The following HABP2 variants were observed in gnomAD, a reference collection of about 807,000 sequenced individuals.
HABP2 encodes the protein factor VII-activating protease.
HABP2 carries 65 observed loss-of-function variants against 66.5 expected under a neutral mutation model. The observed-to-expected ratio is 0.98, with a 90% CI of 0.80 to 1.20. The LOEUF (loss-of-function observed/expected upper bound fraction) is 1.20, where lower values mean the gene tolerates loss of function less well. Ranked by LOEUF, HABP2 falls within the 50% of genes most tolerant of loss-of-function variation. HABP2 has a pLI of 0.00. For synonymous variants in HABP2, 263 were observed against 253.9 expected, an observed-to-expected ratio of 1.04 and a Z score of -0.34; for missense variants, 786 against 691.0, an observed-to-expected ratio of 1.14 and a Z score of -1.54.
Position 113,588,838 on chromosome 10 carries a change from G to GAGTT in HABP2, c.*471_*474dup, listed in dbSNP as rs1303437493. On this transcript the variant is annotated 3_prime_UTR_variant, in exon 13 of 13. Transcript: ENST00000351270. Reference sequence around the variant, plus strand: ...ATACAACATTCTCCATCTGCTTTCAGAGTTATTATTTTAATAAAGGAAGAT... The same window carrying GAGTT: ...ATACAACATTCTCCATCTGCTTTCAGAGTTAGTTATTATTTTAATAAAGGAAGAT... The GAGTT allele has an allele frequency of 8.6e-6, 6 of 695,878 alleles. No individual in the cohort carries two copies. The highest frequency in any genetic ancestry group is 5.0e-5 in the East Asian group (2 of 40,184). 43.1% of individuals were successfully genotyped at this position (695,878 alleles called of 1,614,324 possible). A position where few individuals can be genotyped will look rare whatever the true frequency, so the allele number is the denominator to read the frequency against.
Position 113,574,352 on chromosome 10 carries a change from G to T in HABP2, c.170G>T (p.Ser57Ile). The change falls in exon 3 of 13, where the codon AGC becomes ATC. Residue 57 changes from serine (S) to isoleucine (I), a missense_variant. Physicochemically the swap from Ser to Ile is moderately radical, Grantham distance 142. Coordinates refer to ENST00000351270, the MANE Select transcript of HABP2 (RefSeq NM_004132.5). ...TATAATCAGGAAGAGAACACCAGTAGCACACTTACCCACGCTGAGAATCCT... is the reference window on the plus strand; with the variant it reads ...TATAATCAGGAAGAGAACACCAGTATCACACTTACCCACGCTGAGAATCCT... Reference protein sequence around the residue: ...EDYNQEENTSSTLTHAENPDW... With the variant: ...EDYNQEENTSITLTHAENPDW... 1 of 1,608,736 alleles carries T rather than the reference G, an allele frequency of 6.2e-7. No homozygotes were observed. Among genetic ancestry groups the T allele is most frequent in the Non-Finnish European group, 8.5e-7 (1 of 1,174,966 alleles).
At chr10:113,571,443 A>T (rs1226947168) in intron 2 of HABP2, among the ~76,000 whole-genome samples, 1 of 152,104 alleles carries the variant, frequency 6.6e-6, no homozygotes, top group Non-Finnish European at 1.5e-5. Context: ...AGAGAACAAG[A>T]CTTCTTAAGG....
chr10:113,581,258 G>A (rs181485188), intron 8 of HABP2, among the ~76,000 whole-genome samples: 67 of 152,158 alleles, frequency 4.4e-4, no homozygotes, highest in Non-Finnish European at 8.7e-4. Context: ...ACTATTCTTT[G>A]AGAACCAACT....
intron 1 of HABP2, among the ~76,000 whole-genome samples, chr10:113,560,626 A>C (rs1845083544): frequency 1.3e-5 from 2 of 152,242 alleles, no homozygotes; most frequent in East Asian, 3.8e-4. Context: ...ACCCATGTCC[A>C]TCAAGAGATG....
chr10:113,565,695 A>G (rs894604550), intron 1 of HABP2, among the ~76,000 whole-genome samples: 2 of 152,268 alleles, frequency 1.3e-5, no homozygotes, highest in African/African-American at 2.4e-5. Context: ...CCCAAACCAC[A>G]GCACTCAATG....
Position 113,589,407 on chromosome 10 carries a change from A to C in HABP2, c.*1038A>C. On this transcript the variant is annotated 3_prime_UTR_variant, in exon 13 of 13. Coordinates refer to ENST00000351270, the MANE Select transcript of HABP2 (RefSeq NM_004132.5). ...ACAGCCTGGGCTGCCCTGGCCCGGG[A>C]TTGATGTAGCCCCGGTAGGTTTGCC... 1.7e-6 allele frequency: 1 copy of C among 578,318 alleles called. No homozygotes were observed. Among genetic ancestry groups the C allele is most frequent in the South Asian group, 2.2e-5 (1 of 44,784 alleles). 35.8% of individuals were successfully genotyped at this position (578,318 alleles called of 1,614,324 possible).
At position 113,583,367 on chromosome 10, in the gene HABP2, C is replaced by G; in HGVS notation, c.1237+9C>G. ...TCCCCACAATGATATTGGCAAGTTC[C>G]TCTTTCATGGCTTTCCTGAGGGTCT... On this transcript the variant is annotated intron_variant, in intron 10 of 12. Transcript: ENST00000351270. 1.2e-6 allele frequency: 2 copies of G among 1,611,730 alleles called. No homozygotes were observed. The highest frequency in any genetic ancestry group is 1.1e-5 in the South Asian group (1 of 90,982).
chr10:113,584,047 G>A (rs368705609), intron 10 of HABP2, 101 bp from the exon 11 acceptor site: 3 of 943,538 alleles, frequency 3.2e-6, no homozygotes, highest in South Asian at 1.6e-5. Flanking sequence ...GTGGGGGCAG[G>A]TGGGGCTTTG....
intron 4 of HABP2, 98 bp downstream of exon 4, chr10:113,576,102 A>G: frequency 1.4e-6 from 1 of 740,094 alleles, no homozygotes; most frequent in Non-Finnish European, 2.4e-6. Context: ...GGAAAGGATT[A>G]TAACTGCAAT....
intron 1 of HABP2, among the ~76,000 whole-genome samples, chr10:113,558,824 G>C (rs907487845): frequency 6.6e-6 from 1 of 152,174 alleles, no homozygotes; most frequent in South Asian, 2.1e-4. Context: ...CCCACGCTCA[G>C]CTGTGCTTTG....
intron 2 of HABP2, among the ~76,000 whole-genome samples, chr10:113,568,448 C>A (rs1845240878): frequency 6.6e-6 from 1 of 152,212 alleles, no homozygotes; most frequent in African/African-American, 2.4e-5. Flanking sequence ...AGCAGCAAAC[C>A]CTGGATGGGC....
intron 12 of HABP2, 80 bp from the exon 13 acceptor site, chr10:113,588,125 G>C (rs1351543904): frequency 1.1e-5 from 13 of 1,234,528 alleles, no homozygotes; most frequent in Non-Finnish European, 1.5e-5. Flanking sequence ...ATCCCTCCCT[G>C]ACACCCCCTG....
chr10:113,560,756 A>G (rs1193965065), intron 1 of HABP2, among the ~76,000 whole-genome samples: 1 of 152,224 alleles, frequency 6.6e-6, no homozygotes, highest in Non-Finnish European at 1.5e-5. Context: ...CAGTGAAATA[A>G]AGGCAGTCCC....
intron 4 of HABP2, among the ~76,000 whole-genome samples, chr10:113,576,865 G>A (rs1201717762): frequency 1.3e-5 from 2 of 152,198 alleles, no homozygotes; most frequent in African/African-American, 4.8e-5. Context: ...AGAAAATGGA[G>A]AGACTAAAAT....
At chr10:113,585,163 T>C (rs1845610882) in intron 11 of HABP2, among the ~76,000 whole-genome samples, 1 of 152,194 alleles carries the variant, frequency 6.6e-6, no homozygotes, top group Non-Finnish European at 1.5e-5. Context: ...AGTAAACTCA[T>C]TTTACAGCCA....
In HABP2 at chr10:113,581,894, A is replaced by T; in HGVS notation, c.857A>T (p.Glu286Val). ...CSAQDVAYPE[E>V]SPTEPSTKLP... ...CCCACAGACGTTGCCTACCCAGAGG[A>T]AAGCCCCACTGAGCCATCAACCAAG... The change falls in exon 9 of 13, where the codon GAA becomes GTA. Residue 286 changes from glutamate (E) to valine (V), a missense_variant. By Grantham distance (121) the Glu-to-Val change is moderately radical. Coordinates refer to ENST00000351270, the MANE Select transcript of HABP2 (RefSeq NM_004132.5). 1 of 1,614,138 alleles carries T rather than the reference A, an allele frequency of 6.2e-7. No individual in the cohort carries two copies. The highest frequency in any genetic ancestry group is 8.5e-7 in the Non-Finnish European group (1 of 1,179,980).
At position 113,585,851 on chromosome 10, in the gene HABP2, C is replaced by T; in HGVS notation, c.1431C>T (p.Cys477=). ...AKVKLIANTL[C]NSRQLYDHMI... ...TCAAGCTGATTGCCAACACTTTGTG[C>T]AACTCCCGCCAACTCTATGACCACA... Residue 477 remains cysteine, a synonymous_variant, in exon 12 of 13, where the codon TGC becomes TGT. Coordinates refer to ENST00000351270, the MANE Select transcript of HABP2 (RefSeq NM_004132.5). 6.2e-7 allele frequency: 1 copy of T among 1,611,932 alleles called. No individual in the cohort carries two copies. The highest frequency in any genetic ancestry group is 8.5e-7 in the Non-Finnish European group (1 of 1,177,978).
At position 113,576,894 on chromosome 10, in the gene HABP2, A is replaced by G. The variant is rs186297572; in HGVS notation, c.332-256A>G. Among the ~76,000 whole-genome samples the G allele has an allele frequency of 5.3e-5, 8 of 152,328 alleles. No homozygotes were observed. The East Asian group carries it at 1.5e-3, about 29-fold the overall frequency. On this transcript the variant is annotated intron_variant, in intron 4 of 12. Transcript: ENST00000351270. ...CTAAAATTGCAGCTCTGTTTGGTGA[A>G]GGTGTAACAATTATCAAAGTTTTTT...
rs1564680097 is a variant in HABP2, at chr10:113,582,033, GT to G, written c.997del (p.Ser333ProfsTer5). The G allele has an allele frequency of 6.2e-7, 1 of 1,614,072 alleles. No homozygotes were observed. The highest frequency in any genetic ancestry group is 1.1e-5 in the South Asian group (1 of 91,088). On this transcript the variant is annotated frameshift_variant, in exon 9 of 13. Coordinates refer to ENST00000351270, the MANE Select transcript of HABP2 (RefSeq NM_004132.5). LOFTEE classifies it high-confidence loss of function. ...GKHPWQASLQ[S>X]SLPLTISMPQ... Reference sequence around the variant, plus strand: ...AGCACCCATGGCAGGCGTCCCTCCAGTCCTCGCTGCCTCTGACCATCTCCAT... The same window carrying G: ...AGCACCCATGGCAGGCGTCCCTCCAGCCTCGCTGCCTCTGACCATCTCCAT...
Sources: gnomAD v4.1 joint callset for allele counts (sites outside exome capture counted in the v4.1 genomes callset) on GRCh38, gnomAD v4.1.1 for gene constraint, MANE v1.5 for transcripts, NCBI Gene and HGNC (gene_info 2026-07-23, HGNC 2026-07-21) for gene names.